The following CNGB3 variants were observed in gnomAD, a reference collection of about 807,000 sequenced individuals.
The protein encoded by CNGB3 is cyclic nucleotide gated channel subunit beta 3.
CNGB3 carries 86 observed loss-of-function variants against 92.8 expected under a neutral mutation model. That is an observed-to-expected ratio of 0.93 (90% CI 0.78 to 1.11). The LOEUF is 1.11. Among genes scored for constraint, CNGB3 ranks in the 50% least tolerant of loss-of-function variants. The pLI, the probability that CNGB3 is intolerant of heterozygous loss-of-function variation, is 0.00. For missense variants in CNGB3, 1,026 were observed against 956.8 expected (o/e 1.07, Z -0.95); for synonymous variants, 333 against 332.7 (o/e 1.00, Z -0.01).
chr8:86,739,814 TC>T, intron 1 of CNGB3, 78 bp from the exon 2 acceptor site: 1 of 1,471,176 alleles, frequency 6.8e-7, no homozygotes, highest in Non-Finnish European at 9.4e-7. Context: ...AACACCATTT[TC>T]CACTTAATTG....
At chr8:86,633,041 G>A in intron 10 of CNGB3, 148 bp from the exon 11 acceptor site, 1 of 723,846 alleles carries the variant, frequency 1.4e-6, no homozygotes, top group Non-Finnish European at 2.3e-6. Context: ...AACAGCATGT[G>A]TGCTAATGTA....
chr8:86,699,893 C>T (rs972132143), intron 3 of CNGB3, among the ~76,000 whole-genome samples: 4 of 152,032 alleles, frequency 2.6e-5, no homozygotes, highest in Non-Finnish European at 2.9e-5. Context: ...ATTTCCTTTC[C>T]TACTTTTTTT....
At chr8:86,589,357 T>C (rs1389846661) in intron 15 of CNGB3, among the ~76,000 whole-genome samples, 1 of 149,148 alleles carries the variant, frequency 6.7e-6, no homozygotes, top group African/African-American at 2.5e-5. Context: ...GCTCTGATTT[T>C]AGTTATTTCT....
intron 15 of CNGB3, among the ~76,000 whole-genome samples, chr8:86,587,546 T>A (rs1821925149): frequency 6.6e-6 from 1 of 152,172 alleles, no homozygotes; most frequent in African/African-American, 2.4e-5. Flanking sequence ...AGTTTCAGCT[T>A]TCTACATATG....
chr8:86,585,881 G>A (rs1821880310), intron 15 of CNGB3, among the ~76,000 whole-genome samples: 1 of 152,176 alleles, frequency 6.6e-6, no homozygotes, highest in Non-Finnish European at 1.5e-5. Context: ...TGGATGGAAG[G>A]AGATAGGTCA....
chr8:86,635,006 A>C (rs1823036040), intron 10 of CNGB3, among the ~76,000 whole-genome samples: 1 of 151,864 alleles, frequency 6.6e-6, no homozygotes, highest in South Asian at 2.1e-4. Flanking sequence ...GGAACAGAAA[A>C]AATAATGAAC....
At chr8:86,687,749 A>C (rs1824217864) in intron 3 of CNGB3, among the ~76,000 whole-genome samples, 1 of 152,022 alleles carries the variant, frequency 6.6e-6, no homozygotes. Flanking sequence ...CACTCAATAA[A>C]CACTTCTTGA....
intron 13 of CNGB3, among the ~76,000 whole-genome samples, chr8:86,618,185 G>A (rs1267756380): frequency 6.6e-6 from 1 of 152,180 alleles, no homozygotes; most frequent in African/African-American, 2.4e-5. Context: ...TGCCAGCAAT[G>A]AGCAGTGGTT....
chr8:86,641,972 G>C (rs1823196856), intron 10 of CNGB3, among the ~76,000 whole-genome samples: 1 of 151,646 alleles, frequency 6.6e-6, no homozygotes, highest in South Asian at 2.1e-4. Context: ...GTTTCTTATG[G>C]GCTAAAGCTG....
At chr8:86,732,401 AC>A (rs1825171937) in intron 2 of CNGB3, among the ~76,000 whole-genome samples, 1 of 152,028 alleles carries the variant, frequency 6.6e-6, no homozygotes, top group Admixed American at 6.6e-5. Context: ...CAGTCAGACT[AC>A]TCCCTTTGGA....
intron 3 of CNGB3, among the ~76,000 whole-genome samples, chr8:86,709,480 A>G (rs547615533): frequency 6.6e-6 from 1 of 152,284 alleles, no homozygotes; most frequent in South Asian, 2.1e-4. Flanking sequence ...AACAGTTGCA[A>G]TATGAACAGC....
At chr8:86,720,903 A>G (rs1300026443) in intron 3 of CNGB3, among the ~76,000 whole-genome samples, 3 of 150,852 alleles carry the variant, frequency 2.0e-5, no homozygotes, top group African/African-American at 7.3e-5. Context: ...CTACTCAGCC[A>G]TGAAAAGGAA....
chr8:86,594,763 C>T (rs1020743831), intron 15 of CNGB3, among the ~76,000 whole-genome samples: 4 of 152,094 alleles, frequency 2.6e-5, no homozygotes, highest in African/African-American at 7.2e-5. Flanking sequence ...GGCTGGAGTG[C>T]GGTGGCACAA....
intron 3 of CNGB3, among the ~76,000 whole-genome samples, chr8:86,712,246 T>C (rs966891564): frequency 3.3e-5 from 5 of 152,162 alleles, no homozygotes; most frequent in African/African-American, 4.8e-5. Flanking sequence ...TTGCTGATTC[T>C]TTCTTTTTTA....
chr8:86,703,832 T>G (rs117723408), intron 3 of CNGB3: 2 of 152,330 alleles, frequency 1.3e-5, no homozygotes, highest in Non-Finnish European at 2.9e-5. Flanking sequence ...TATATCTGAG[T>G]GATTATAAGT....
chr8:86,576,087 T>C lies in CNGB3; in HGVS notation c.2147A>G (p.Asn716Ser). The C allele has an allele frequency of 1.9e-6, 3 of 1,604,858 alleles. No individual in the cohort carries two copies. The highest frequency in any genetic ancestry group is 1.7e-6 in the Non-Finnish European group (2 of 1,176,522). The change falls in exon 18 of 18, where the codon AAT (asparagine) becomes AGT (serine). Residue 716 changes from asparagine to serine, a missense_variant. Transcript: ENST00000320005. ...TTCATTTTCTTTTTGTTTATCTTCA[T>C]TTTCTTTTCCTTCTTCCTCTCCTCC... Reference protein sequence around the residue: ...SEGGEEEGKENEDKQKENEDK... With the variant: ...SEGGEEEGKESEDKQKENEDK...
At chr8:86,701,588 CAGAA>C (rs1209219858) in intron 3 of CNGB3, among the ~76,000 whole-genome samples, 5 of 152,114 alleles carry the variant, frequency 3.3e-5, no homozygotes, top group African/African-American at 4.8e-5. Context: ...ATTAGAAAAA[CAGAA>C]AGATAACCAT....
chr8:86,609,117 TGAA>T (rs1323014490), intron 14 of CNGB3, among the ~76,000 whole-genome samples: 3 of 152,214 alleles, frequency 2.0e-5, no homozygotes, highest in African/African-American at 7.2e-5. Context: ...GAATGTGATG[TGAA>T]GAAGAAATTA....
chr8:86,584,892 C>G (rs140438398), intron 15 of CNGB3, among the ~76,000 whole-genome samples: 421 of 152,248 alleles, frequency 2.8e-3, no homozygotes, highest in African/African-American at 9.9e-3. Context: ...GTATTCAGTA[C>G]AGTGAAGTGG....
Sources: gnomAD v4.1 joint callset for allele counts (sites outside exome capture counted in the v4.1 genomes callset) on GRCh38, gnomAD v4.1.1 for gene constraint, MANE v1.5 for transcripts, NCBI Gene and HGNC (gene_info 2026-07-23, HGNC 2026-07-21) for gene names.